BARD1: variants seen among roughly 807,000 people sequenced by gnomAD.
BARD1 encodes BRCA1-associated RING domain protein 1.
Under a neutral mutation model 77.0 loss-of-function variants are expected in BARD1, and 73 were observed. That is an observed-to-expected ratio of 0.95 (90% confidence interval 0.79 to 1.15). BARD1 has a LOEUF of 1.15. Ranked by LOEUF, BARD1 falls within the 50% of genes most tolerant of loss-of-function variation. BARD1 has a pLI of 0.00. For missense variants in BARD1, 993 were observed against 938.8 expected, an observed-to-expected ratio of 1.06 and a Z score of -0.75; for synonymous variants, 384 against 338.0, an observed-to-expected ratio of 1.14 and a Z score of -1.49.
At chr2:214,744,958 A>T in intron 9 of BARD1, 109 bp downstream of exon 9, 1 of 1,019,092 alleles carries the variant, frequency 9.8e-7, no homozygotes, top group South Asian at 1.4e-5. Context: ...GCAGTGACTA[A>T]CCAGAGGTAA....
intron 1 of BARD1, among the ~76,000 whole-genome samples, chr2:214,802,847 G>A (rs1414493136): frequency 2.0e-5 from 3 of 152,154 alleles, no homozygotes; most frequent in Admixed American, 2.0e-4. Context: ...CCCATCTACA[G>A]TCATACTTCT....
intron 6 of BARD1, among the ~76,000 whole-genome samples, chr2:214,756,571 A>G (rs1408217779): frequency 6.6e-6 from 1 of 152,366 alleles, no homozygotes; most frequent in East Asian, 1.9e-4. Flanking sequence ...AAAATGTGGA[A>G]CCAACCCAAA....
At chr2:214,794,381 C>T (rs1574843056) in intron 2 of BARD1, among the ~76,000 whole-genome samples, 2 of 152,072 alleles carry the variant, frequency 1.3e-5, no homozygotes, top group South Asian at 4.1e-4. Context: ...ATGTATAAAG[C>T]CAGATTTTCT....
chr2:214,789,593 T>C (rs899537344), intron 3 of BARD1, among the ~76,000 whole-genome samples: 1 of 152,100 alleles, frequency 6.6e-6, no homozygotes, highest in African/African-American at 2.4e-5. Context: ...GTCTCTAGCA[T>C]ATAAATTAGC....
chr2:214,784,119 T>G (rs1202245314), intron 3 of BARD1, among the ~76,000 whole-genome samples: 2 of 152,006 alleles, frequency 1.3e-5, no homozygotes, highest in Non-Finnish European at 2.9e-5. Flanking sequence ...GGAGAAAAAT[T>G]TTTGCAATCT....
At chr2:214,792,593 A>G (rs1695581255) in intron 2 of BARD1, 148 bp from the exon 3 acceptor site, 2 of 813,660 alleles carry the variant, frequency 2.5e-6, no homozygotes, top group Non-Finnish European at 3.7e-6. Context: ...ATACTGTTTT[A>G]AAGAGTAAAA....
chr2:214,807,478 T>C (rs906406500), intron 1 of BARD1, among the ~76,000 whole-genome samples: 1 of 152,232 alleles, frequency 6.6e-6, no homozygotes, highest in Non-Finnish European at 1.5e-5. Context: ...CACATTCTTT[T>C]AGATTAAGAC....
intron 3 of BARD1, among the ~76,000 whole-genome samples, chr2:214,791,189 C>A (rs1389374035): frequency 3.3e-5 from 5 of 152,088 alleles, no homozygotes; most frequent in Admixed American, 6.6e-5. Context: ...GAGTTGAATA[C>A]AATGACGCAG....
At chr2:214,756,601 G>C (rs1693704589) in intron 6 of BARD1, among the ~76,000 whole-genome samples, 1 of 152,146 alleles carries the variant, frequency 6.6e-6, no homozygotes, top group Non-Finnish European at 1.5e-5. Context: ...ATCAATGAGT[G>C]GATAAAGAAA....
chr2:214,773,495 T>C (rs894622960), intron 4 of BARD1, among the ~76,000 whole-genome samples: 2 of 152,192 alleles, frequency 1.3e-5, no homozygotes, highest in African/African-American at 2.4e-5. Flanking sequence ...GGAGATACTG[T>C]CAGTTCAGTT....
chr2:214,732,597 G>A (rs1038889512), intron 9 of BARD1, among the ~76,000 whole-genome samples: 2 of 151,926 alleles, frequency 1.3e-5, no homozygotes, highest in Non-Finnish European at 2.9e-5. Flanking sequence ...GGCTTTCATC[G>A]CGTTAGCCAG....
In BARD1 at chr2:214,745,728, T is replaced by C; in HGVS notation, c.1804A>G (p.Ser602Gly). Residue 602 changes from serine to glycine, a missense_variant, in exon 8 of 11, where the codon AGT (serine) becomes GGT (glycine). By Grantham distance (56) the Ser-to-Gly change is moderately conservative (BLOSUM62 0). Transcript: ENST00000260947. Reference sequence around the variant, plus strand: ...CAAAATTCAAAATCCTCACCTGTACTGTCAAACTCAGTATATTTTTTAGCC... The same window carrying C: ...CAAAATTCAAAATCCTCACCTGTACCGTCAAACTCAGTATATTTTTTAGCC... Reference protein sequence around the residue: ...LKAKKYTEFDSTVTHVVVPGD... With the variant: ...LKAKKYTEFDGTVTHVVVPGD... 2.5e-6 allele frequency: 4 copies of C among 1,614,102 alleles called. No individual in the cohort carries two copies. Among genetic ancestry groups the C allele is most frequent in the Non-Finnish European group, 3.4e-6 (4 of 1,179,986 alleles).
chr2:214,782,941 A>G (rs1270261682), intron 3 of BARD1, among the ~76,000 whole-genome samples: 1 of 152,210 alleles, frequency 6.6e-6, no homozygotes, highest in Non-Finnish European at 1.5e-5. Context: ...AATGGTAAAA[A>G]GCATTCTAAA....
chr2:214,784,546 T>C (rs1171755099), intron 3 of BARD1, among the ~76,000 whole-genome samples: 2 of 152,178 alleles, frequency 1.3e-5, no homozygotes, highest in Non-Finnish European at 2.9e-5. Flanking sequence ...CAAAGGATTA[T>C]AAATCATTCT....
At chr2:214,768,499 A>AAGCGACTG (rs887920050) in intron 5 of BARD1, among the ~76,000 whole-genome samples, 2 of 152,184 alleles carry the variant, frequency 1.3e-5, no homozygotes, top group African/African-American at 4.8e-5. Flanking sequence ...CCAACCAGCA[A>AAGCGACTG]AGCGACTGAT....
intron 1 of BARD1, among the ~76,000 whole-genome samples, chr2:214,806,871 C>A: frequency 3.9e-5 from 1 of 25,410 alleles, no homozygotes; most frequent in African/African-American, 1.7e-4. Context: ...GAAACTTTGC[C>A]TAGGGAAAAA....
At chr2:214,765,881 G>A (rs1694173318) in intron 6 of BARD1, among the ~76,000 whole-genome samples, 1 of 152,040 alleles carries the variant, frequency 6.6e-6, no homozygotes, top group African/African-American at 2.4e-5. Context: ...ACAGCACCAA[G>A]GTATGGTACA....
At chr2:214,744,526 C>T (rs1693003514) in intron 9 of BARD1, among the ~76,000 whole-genome samples, 2 of 152,134 alleles carry the variant, frequency 1.3e-5, no homozygotes, top group African/African-American at 4.8e-5. Context: ...ATTTACTTTT[C>T]ATTGAAATAG....
chr2:214,797,355 T>C (rs539467650), intron 1 of BARD1, among the ~76,000 whole-genome samples: 1 of 152,350 alleles, frequency 6.6e-6, no homozygotes, highest in East Asian at 1.9e-4. Context: ...CATTTTAAAA[T>C]GTATTTTCTA....
Sources: gnomAD v4.1 joint callset for allele counts (sites outside exome capture counted in the v4.1 genomes callset) on GRCh38, gnomAD v4.1.1 for gene constraint, MANE v1.5 for transcripts, NCBI Gene and HGNC (gene_info 2026-07-23, HGNC 2026-07-21) for gene names.